CEP63: variants seen among roughly 807,000 people sequenced by gnomAD.
CEP63 encodes centrosomal protein of 63 kDa.
In CEP63, 84 loss-of-function variants were observed where a neutral mutation model predicts 89.1. The observed-to-expected ratio is 0.94, with a 90% CI of 0.79 to 1.13. The LOEUF is 1.13. Among genes scored for constraint, CEP63 ranks in the 50% most tolerant of loss-of-function variants. The pLI is 0.00. For missense variants in CEP63, 838 were observed against 813.3 expected (o/e 1.03, Z -0.37); for synonymous variants, 267 against 272.5 (o/e 0.98, Z 0.20).
intron 11 of CEP63, among the ~76,000 whole-genome samples, chr3:134,572,217 C>G (rs754884628): frequency 2.0e-5 from 3 of 152,206 alleles, no homozygotes; most frequent in Non-Finnish European, 4.4e-5. Context: ...TGCTTAATGT[C>G]AGTCTTGACT....
the CEP63 span, among the ~76,000 whole-genome samples, chr3:134,646,942 T>G: frequency 6.6e-6 from 1 of 152,186 alleles, no homozygotes; most frequent in East Asian, 1.9e-4. Flanking sequence ...GGCAGATGCC[T>G]GGCACTGGAA....
At chr3:134,519,930 T>A (rs1272835156) in intron 3 of CEP63, among the ~76,000 whole-genome samples, 1 of 152,190 alleles carries the variant, frequency 6.6e-6, no homozygotes, top group Non-Finnish European at 1.5e-5. Context: ...TAAGGGAATT[T>A]CCTTAATCTA....
downstream of CEP63, among the ~76,000 whole-genome samples, chr3:134,566,670 G>A (rs777476300): frequency 1.2e-4 from 18 of 152,046 alleles, no homozygotes; most frequent in Non-Finnish European, 2.2e-4. Context: ...TGGCTATTAA[G>A]CAAATGAAAA....
the CEP63 span, among the ~76,000 whole-genome samples, chr3:134,621,517 C>G: frequency 6.6e-6 from 1 of 152,106 alleles, no homozygotes; most frequent in Non-Finnish European, 1.5e-5. Flanking sequence ...TTTCCACATG[C>G]AAAAGAATAA....
At chr3:134,669,916 A>C in the CEP63 span, among the ~76,000 whole-genome samples, 1 of 152,182 alleles carries the variant, frequency 6.6e-6, no homozygotes, top group Non-Finnish European at 1.5e-5. Context: ...ATATTTGGAG[A>C]TGGAGCCTTT....
the CEP63 span, among the ~76,000 whole-genome samples, chr3:134,622,229 C>T: frequency 2.0e-5 from 3 of 152,092 alleles, no homozygotes; most frequent in Admixed American, 6.6e-5. Context: ...CCAAAAAAAC[C>T]GAAGGCAGAG....
At chr3:134,634,364 G>A in the CEP63 span, among the ~76,000 whole-genome samples, 1 of 152,272 alleles carries the variant, frequency 6.6e-6, no homozygotes, top group Admixed American at 6.5e-5. Flanking sequence ...ATGAAAAGCT[G>A]TAATCACAAC....
the CEP63 span, among the ~76,000 whole-genome samples, chr3:134,654,792 G>A: frequency 6.6e-6 from 1 of 152,154 alleles, no homozygotes; most frequent in Non-Finnish European, 1.5e-5. Context: ...TGGAGGGCGG[G>A]TATAGAAGGA....
chr3:134,772,647 G>A, the CEP63 span, among the ~76,000 whole-genome samples: 20 of 152,088 alleles, frequency 1.3e-4, no homozygotes, highest in Admixed American at 7.9e-4. Flanking sequence ...ATTCCCATTT[G>A]TCTCTGCCAA....
At chr3:134,662,524 T>G in the CEP63 span, among the ~76,000 whole-genome samples, 5 of 152,220 alleles carry the variant, frequency 3.3e-5, no homozygotes, top group Non-Finnish European at 7.3e-5. Flanking sequence ...GGCCCTATGC[T>G]AGATGCCTTC....
the CEP63 span, among the ~76,000 whole-genome samples, chr3:134,775,765 G>A: frequency 2.4e-4 from 36 of 152,156 alleles, no homozygotes; most frequent in African/African-American, 8.5e-4. Flanking sequence ...TCCGATTGCA[G>A]GGGTTATTTT....
intron 5 of CEP63, among the ~76,000 whole-genome samples, chr3:134,533,436 G>A (rs1470107475): frequency 6.6e-6 from 1 of 152,164 alleles, no homozygotes; most frequent in Non-Finnish European, 1.5e-5. Context: ...AGTAATCTCT[G>A]TATCAGATTA....
At chr3:134,518,906 A>C (rs994736806) in intron 3 of CEP63, among the ~76,000 whole-genome samples, 2 of 151,974 alleles carry the variant, frequency 1.3e-5, no homozygotes, top group Admixed American at 6.5e-5. Context: ...CCTTGGCAAG[A>C]CTAATTAAGA....
downstream of CEP63, among the ~76,000 whole-genome samples, chr3:134,591,888 C>G (rs889099270): frequency 1.1e-4 from 3 of 26,278 alleles, no homozygotes; most frequent in Non-Finnish European, 2.1e-4. Flanking sequence ...CCCTGTCCCC[C>G]CAAAAAATAA....
chr3:134,747,342 A>G, the CEP63 span, among the ~76,000 whole-genome samples: 1 of 152,160 alleles, frequency 6.6e-6, no homozygotes, highest in Non-Finnish European at 1.5e-5. Context: ...TGGTATTGGC[A>G]ATATAGTGAT....
chr3:134,675,463 T>C, the CEP63 span, among the ~76,000 whole-genome samples: 1 of 152,206 alleles, frequency 6.6e-6, no homozygotes, highest in Non-Finnish European at 1.5e-5. Context: ...CTTCATGATC[T>C]TGGATAAACA....
At chr3:134,620,218 A>G in the CEP63 span, among the ~76,000 whole-genome samples, 1 of 152,176 alleles carries the variant, frequency 6.6e-6, no homozygotes, top group Admixed American at 6.5e-5. Flanking sequence ...GCAGCTGCAT[A>G]GGCCCAGGTC....
chr3:134,732,194 A>G, the CEP63 span, among the ~76,000 whole-genome samples: 2 of 152,330 alleles, frequency 1.3e-5, no homozygotes, highest in South Asian at 4.1e-4. Flanking sequence ...AGAAGAAGGT[A>G]CACTTAAATT....
chr3:134,594,681 T>C, the CEP63 span, among the ~76,000 whole-genome samples: 2 of 152,238 alleles, frequency 1.3e-5, no homozygotes, highest in East Asian at 1.9e-4. Context: ...GAAATGACTA[T>C]TTAGGATGTT....
Sources: allele counts gnomAD v4.1 joint callset (sites outside exome capture counted in the v4.1 genomes callset), GRCh38; gene constraint gnomAD v4.1.1; transcripts MANE v1.5; gene names NCBI Gene and HGNC (gene_info 2026-07-23, HGNC 2026-07-21).